The following ZER1 variants were observed in gnomAD, a reference collection of about 807,000 sequenced individuals.
ZER1 encodes the protein protein zer-1 homolog.
Under a neutral mutation model 78.8 loss-of-function variants are expected in ZER1, and 11 were observed. The ratio of observed to expected loss-of-function variants is 0.14; its 90% confidence interval spans 0.09 to 0.23. The LOEUF (loss-of-function observed/expected upper bound fraction) is 0.23, where lower values mean the gene tolerates loss of function less well. Among genes scored for constraint, ZER1 ranks in the 10% least tolerant of loss-of-function variants. The probability of loss-of-function intolerance (pLI) is 1.00; values close to 1 mark genes in which losing one functional copy is unlikely to be tolerated. For missense variants in ZER1, 588 were observed against 996.9 expected, an observed-to-expected ratio of 0.59 and a Z score of 5.52; for synonymous variants, 400 against 407.0, an observed-to-expected ratio of 0.98 and a Z score of 0.21.
At position 128,764,339 on chromosome 9, in the gene ZER1, C is replaced by T. The variant is rs141983889; in HGVS notation, c.-95+7242G>A. ...TTGCTGCACTCAGGACACTGCTGGGCGCCCAGTGGCTGCAAATGATGCCTC... is the reference window on the plus strand; with the variant it reads ...TTGCTGCACTCAGGACACTGCTGGGTGCCCAGTGGCTGCAAATGATGCCTC... On this transcript the variant is annotated intron_variant, in intron 1 of 15. Coordinates refer to ENST00000291900, the MANE Select transcript of ZER1 (RefSeq NM_006336.4). 1.6e-4 allele frequency among the ~76,000 whole-genome samples: 24 copies of T among 152,212 alleles called. No individual in the cohort carries two copies. The East Asian group carries it at 1.9e-3, about 12-fold the overall frequency.
At chr9:128,735,555 G>A in intron 13 of ZER1, 124 bp from the exon 14 acceptor site, 1 of 913,116 alleles carries the variant, frequency 1.1e-6, no homozygotes, top group Non-Finnish European at 1.6e-6. Context: ...CAGGATGCCA[G>A]GGAGAAGGGA....
rs1216564384 is a variant in ZER1, at chr9:128,753,929, G to C, written c.189C>G (p.Asn63Lys). ...EYVELVNAAC[N>K]FEPHESFFSL... ...TGAAGAAGCTCTCGTGTGGCTCGAA[G>C]TTACAGGCAGCGTTCACCAGCTCCA... The change falls in exon 3 of 16, where the codon AAC (asparagine) becomes AAG (lysine). Residue 63 changes from asparagine (N) to lysine (K), a missense_variant. Around this residue, in one of 3 missense-constraint regions of ZER1, gnomAD observed 406 missense variants for 660.1 expected, o/e 0.62. Coordinates refer to ENST00000291900, the MANE Select transcript of ZER1 (RefSeq NM_006336.4). The surrounding 1 kb of genome is among the most constrained non-coding windows in gnomAD (Gnocchi z 7.5). 6 of 1,591,268 alleles carry C rather than the reference G, an allele frequency of 3.8e-6. No homozygotes were observed. Among genetic ancestry groups the C allele is most frequent in the Non-Finnish European group, 5.1e-6 (6 of 1,169,728 alleles).
chr9:128,735,280 C>T lies in ZER1; in HGVS notation c.2140+54G>A, dbSNP rs1234583859. ...TCCTGGACTACAAACTCCCTGAGGG[C>T]ACATCTGCTTTCAGCTGGATGAGTG... On this transcript the variant is annotated intron_variant, in intron 14 of 15. Transcript: ENST00000291900. 5 of 1,515,658 alleles carry T rather than the reference C, an allele frequency of 3.3e-6. No individual in the cohort carries two copies. In the East Asian group the frequency reaches 1.1e-4, roughly 35 times the overall value. The allele number at this position is 1,515,658 out of a possible 1,614,324, so 93.9% of individuals were successfully genotyped here.
chr9:128,738,515 A>AGCTGGGACT (rs977349282), intron 13 of ZER1, among the ~76,000 whole-genome samples: 3 of 145,362 alleles, frequency 2.1e-5, no homozygotes, highest in Non-Finnish European at 4.5e-5. Flanking sequence ...CCTCCCGAGT[A>AGCTGGGACT]GCTGGGACTA....
chr9:128,743,295 T>C (rs560659739), intron 8 of ZER1, among the ~76,000 whole-genome samples: 74 of 152,192 alleles, frequency 4.9e-4, no homozygotes, highest in Middle Eastern at 3.4e-3. Flanking sequence ...TTTGTATTTT[T>C]AGTAGAGATG....
At position 128,750,601 on chromosome 9, in the gene ZER1, C is replaced by A. The variant is rs370263095; in HGVS notation, c.1359+15G>T. 4 of 1,611,040 alleles carry A rather than the reference C, an allele frequency of 2.5e-6. No homozygotes were observed. The highest frequency in any genetic ancestry group is 3.3e-5 in the Admixed American group (2 of 59,954). On this transcript the variant is annotated intron_variant, in intron 8 of 15. Transcript: ENST00000291900. ...TGGGCCAGAGCATGCGGGGCCGTGG[C>A]GGGTGGGGGCTCACCGTCACCTCCT...
At chr9:128,735,009 GCCT>G (rs1363310761) in intron 14 of ZER1, among the ~76,000 whole-genome samples, 1 of 152,126 alleles carries the variant, frequency 6.6e-6, no homozygotes, top group Non-Finnish European at 1.5e-5. Flanking sequence ...TCCTGTCTCG[GCCT>G]CCTGAATAGC....
At chr9:128,760,601 G>C (rs1004996170) in intron 1 of ZER1, among the ~76,000 whole-genome samples, 1 of 151,976 alleles carries the variant, frequency 6.6e-6, no homozygotes, top group Non-Finnish European at 1.5e-5. Flanking sequence ...TCTCCATTGA[G>C]GCCAACATAG....
Position 128,751,241 on chromosome 9 carries a change from C to G in ZER1, c.1066G>C (p.Val356Leu), listed in dbSNP as rs745752525. 1 of 1,601,320 alleles carries G rather than the reference C, an allele frequency of 6.2e-7. No homozygotes were observed. The highest frequency in any genetic ancestry group is 1.3e-5 in the African/African-American group (1 of 74,698). Residue 356 changes from valine (V) to leucine (L), a missense_variant, in exon 7 of 16, where the codon GTG (valine) becomes CTG (leucine). Physicochemically the swap from Val to Leu is conservative, Grantham distance 32 (BLOSUM62 1). Coordinates refer to ENST00000291900, the MANE Select transcript of ZER1 (RefSeq NM_006336.4). This position sits in a 1 kb window ranked among gnomAD's most constrained non-coding sequence, Gnocchi z 5.4. ...KVSGDKNEEQ[V>L]LNAIEAYTEH... ...GTGTAGGCCTCGATGGCATTCAGCA[C>G]CTGCTCTTCGTTTTTGTCACCACTT...
intron 13 of ZER1, among the ~76,000 whole-genome samples, chr9:128,739,284 C>T (rs1298712707): frequency 1.3e-5 from 2 of 151,564 alleles, no homozygotes; most frequent in Admixed American, 6.6e-5. Context: ...GGGCGGATCA[C>T]GAGGTCAGGA....
Position 128,755,573 on chromosome 9 carries a change from G to C in ZER1, c.-8C>G. The C allele has an allele frequency of 6.2e-7, 1 of 1,609,078 alleles. No individual in the cohort carries two copies. The highest frequency in any genetic ancestry group is 8.5e-7 in the Non-Finnish European group (1 of 1,175,912). On this transcript the variant is annotated 5_prime_UTR_variant, in exon 2 of 16. Transcript: ENST00000291900. This position sits in a 1 kb window ranked among gnomAD's most constrained non-coding sequence, Gnocchi z 5.6. ...GGGAGTGTCGGACGCCATGCTGGGGGCAAGCAGGTGGGCCACTCCAGGACA... is the reference window on the plus strand; with the variant it reads ...GGGAGTGTCGGACGCCATGCTGGGGCCAAGCAGGTGGGCCACTCCAGGACA...
intron 1 of ZER1, among the ~76,000 whole-genome samples, chr9:128,758,872 TGGAA>T (rs1224159224): frequency 6.6e-6 from 1 of 152,130 alleles, no homozygotes; most frequent in African/African-American, 2.4e-5. Context: ...GGGAGGTGAT[TGGAA>T]GGGAGTTTCT....
chr9:128,738,359 G>T (rs918155108), intron 13 of ZER1, among the ~76,000 whole-genome samples: 7 of 141,650 alleles, frequency 4.9e-5, no homozygotes, highest in South Asian at 2.3e-4. Context: ...TTGTTTTCTT[G>T]TTTTTTTAAT....
intron 11 of ZER1, among the ~76,000 whole-genome samples, chr9:128,741,136 G>A (rs1863276729): frequency 6.6e-6 from 1 of 152,134 alleles, no homozygotes; most frequent in South Asian, 2.1e-4. Context: ...GGACAGACGT[G>A]GTTCTGTTCA....
Position 128,731,231 on chromosome 9 carries a change from A to T in ZER1, c.*106T>A. 2.0e-6 allele frequency: 2 copies of T among 982,944 alleles called. No individual in the cohort carries two copies. Among genetic ancestry groups the T allele is most frequent in the South Asian group, 3.4e-5 (2 of 59,686 alleles). The allele number at this position is 982,944 out of a possible 1,614,324, so 60.9% of individuals were successfully genotyped here. A position where few individuals can be genotyped will look rare whatever the true frequency, so the allele number is the denominator to read the frequency against. On this transcript the variant is annotated 3_prime_UTR_variant, in exon 16 of 16. Coordinates refer to ENST00000291900, the MANE Select transcript of ZER1 (RefSeq NM_006336.4). ...GTGCAAAAGTCCCCCATGTCTCTTC[A>T]CTCCGTGGGAGGCTCCCTCGGAAGG...
chr9:128,734,177 A>AATAT (rs1306463404), intron 14 of ZER1, among the ~76,000 whole-genome samples: 44 of 52,702 alleles, frequency 8.3e-4, no homozygotes, highest in East Asian at 4.1e-3. Context: ...TCTTAAAAAA[A>AATAT]ATATATATAT....
intron 14 of ZER1, among the ~76,000 whole-genome samples, chr9:128,735,068 TC>T (rs11291828): frequency 0.86 from 131,572 of 152,168 alleles, 58,329 homozygotes; most frequent in Non-Finnish European, 0.96. Context: ...TTTGGACTGT[TC>T]CTGCACATGG....
In ZER1 at chr9:128,753,417, G is replaced by A; in HGVS notation, c.493C>T (p.Leu165=). The change falls in exon 4 of 16, where the codon CTG becomes TTG. Residue 165 remains leucine, a synonymous_variant. Coordinates refer to ENST00000291900, the MANE Select transcript of ZER1 (RefSeq NM_006336.4). This position sits in a 1 kb window ranked among gnomAD's most constrained non-coding sequence, Gnocchi z 7.5. ...CCCTCGAAGGTGAAATCCTTAACCA[G>A]CACCTGGCAGGTGGGGTTGACGAGG... ...EYLVNPTCQV[L]VKDFTFEGFS... is the part of the protein sequence containing the mutation. 6.2e-7 allele frequency: 1 copy of A among 1,614,188 alleles called. No individual in the cohort carries two copies. Among genetic ancestry groups the A allele is most frequent in the Non-Finnish European group, 8.5e-7 (1 of 1,180,026 alleles).
chr9:128,743,301 A>T (rs1029658825), intron 8 of ZER1, among the ~76,000 whole-genome samples: 2 of 152,016 alleles, frequency 1.3e-5, no homozygotes, highest in Admixed American at 6.6e-5. Context: ...TTTTTAGTAG[A>T]GATGGGGTTT....
Sources: gnomAD v4.1 joint callset for allele counts (sites outside exome capture counted in the v4.1 genomes callset) on GRCh38, gnomAD v4.1.1 for gene constraint, gnomAD v4.1.1 regional missense constraint, Gnocchi (gnomAD v3.1) non-coding constraint, MANE v1.5 for transcripts, NCBI Gene and HGNC (gene_info 2026-07-23, HGNC 2026-07-21) for gene names.